Variants in ASB3 observed in about 807,000 individuals in gnomAD.
ASB3 encodes ankyrin repeat and SOCS box protein 3.
A neutral mutation model predicts 54.5 loss-of-function variants in ASB3; 41 were observed. The ratio of observed to expected loss-of-function variants is 0.75; its 90% confidence interval spans 0.59 to 0.98. The LOEUF is 0.98. ASB3 is among the 50% of genes least tolerant of loss of function. The pLI, the probability that ASB3 is intolerant of heterozygous loss-of-function variation, is 0.00. For synonymous variants in ASB3, 266 were observed against 221.2 expected, an observed-to-expected ratio of 1.20 and a Z score of -1.80; for missense variants, 733 against 620.0, an observed-to-expected ratio of 1.18 and a Z score of -1.94.
intron 5 of ASB3, among the ~76,000 whole-genome samples, chr2:53,724,279 A>T (rs2103882155): frequency 6.6e-6 from 1 of 152,322 alleles, no homozygotes; most frequent in South Asian, 2.1e-4. Flanking sequence ...TAAACAATTC[A>T]ACAAGCAAAA....
At chr2:53,721,043 AG>A (rs1320719888) in intron 5 of ASB3, among the ~76,000 whole-genome samples, 1 of 150,560 alleles carries the variant, frequency 6.6e-6, no homozygotes, top group African/African-American at 2.4e-5. Context: ...TGCTTGAACC[AG>A]GAGGGGGAGG....
At chr2:53,698,109 G>A (rs1669285344) in intron 8 of ASB3, among the ~76,000 whole-genome samples, 1 of 152,154 alleles carries the variant, frequency 6.6e-6, no homozygotes, top group African/African-American at 2.4e-5. Context: ...CCCCCAGACT[G>A]TTTTCAACAA....
chr2:53,707,591 G>C (rs1480360146), intron 7 of ASB3, among the ~76,000 whole-genome samples: 2 of 151,088 alleles, frequency 1.3e-5, no homozygotes, highest in Non-Finnish European at 2.9e-5. Context: ...AGCTTGCAGT[G>C]AGCTGAGATC....
At chr2:53,768,148 G>T in intron 1 of ASB3, 1 of 1,110,654 alleles carries the variant, frequency 9.0e-7, no homozygotes, top group Non-Finnish European at 1.2e-6. Flanking sequence ...ATGGCTTGGG[G>T]TAACATTTCT....
chr2:53,711,541 G>A (rs1220472650), intron 7 of ASB3, among the ~76,000 whole-genome samples: 13 of 152,098 alleles, frequency 8.5e-5, no homozygotes, highest in Admixed American at 2.6e-4. Flanking sequence ...TTGGGAGTCC[G>A]AGGCAGGCAG....
chr2:53,675,750 T>C (rs1490061790), intron 9 of ASB3, among the ~76,000 whole-genome samples: 2 of 152,340 alleles, frequency 1.3e-5, no homozygotes, highest in East Asian at 3.9e-4. Flanking sequence ...TTCCAAGTGT[T>C]TTAAGTATGT....
chr2:53,687,602 T>C (rs1442484503), intron 9 of ASB3, among the ~76,000 whole-genome samples: 1 of 152,184 alleles, frequency 6.6e-6, no homozygotes, highest in African/African-American at 2.4e-5. Flanking sequence ...GCCCCCATGA[T>C]AGACAAACTG....
At chr2:53,785,287 G>C (rs1573045381) in intron 1 of ASB3, among the ~76,000 whole-genome samples, 1 of 152,228 alleles carries the variant, frequency 6.6e-6, no homozygotes, top group East Asian at 1.9e-4. Context: ...CCTCTTACTT[G>C]AACATCAGCT....
Position 53,765,582 on chromosome 2 carries a change from C to G in ASB3, c.-10G>C. On this transcript the variant is annotated 5_prime_UTR_variant, in exon 2 of 10. Coordinates refer to ENST00000263634, the MANE Select transcript of ASB3 (RefSeq NM_016115.5). ...CCTCTGTAAAATCCATTTGTTTGAC[C>G]AGTCTACAAAACAAGGTAGAAGGAT... The G allele has an allele frequency of 6.2e-7, 1 of 1,614,138 alleles. No individual in the cohort carries two copies. Among genetic ancestry groups the G allele is most frequent in the Middle Eastern group, 1.6e-4 (1 of 6,062 alleles).
At chr2:53,778,086 T>C (rs996387549) in intron 1 of ASB3, among the ~76,000 whole-genome samples, 1 of 148,740 alleles carries the variant, frequency 6.7e-6, no homozygotes, top group Non-Finnish European at 1.5e-5. Context: ...GAGGCAGAGG[T>C]TGCAGTGAGC....
chr2:53,729,958 T>C (rs145138756), intron 3 of ASB3, among the ~76,000 whole-genome samples: 5 of 152,314 alleles, frequency 3.3e-5, no homozygotes, highest in East Asian at 3.9e-4. Context: ...TATTACTACA[T>C]TTGATCACAA....
chr2:53,746,809 G>C (rs1266099754), intron 3 of ASB3, among the ~76,000 whole-genome samples: 2 of 152,004 alleles, frequency 1.3e-5, no homozygotes, highest in Admixed American at 6.6e-5. Flanking sequence ...CAAACACTAA[G>C]GCTCTACTTT....
intron 5 of ASB3, among the ~76,000 whole-genome samples, chr2:53,725,887 G>C (rs1456750089): frequency 6.6e-6 from 1 of 151,930 alleles, no homozygotes; most frequent in Non-Finnish European, 1.5e-5. Flanking sequence ...TCAGAAAGAA[G>C]TAAACACTAT....
chr2:53,758,746 C>T (rs1672975940), intron 2 of ASB3, among the ~76,000 whole-genome samples: 1 of 152,154 alleles, frequency 6.6e-6, no homozygotes. Flanking sequence ...GCACTAGGAC[C>T]ACAGAGGACG....
intron 9 of ASB3, among the ~76,000 whole-genome samples, chr2:53,686,763 C>A (rs1572843217): frequency 6.6e-6 from 1 of 152,222 alleles, no homozygotes; most frequent in East Asian, 1.9e-4. Context: ...GTTGCCCGGG[C>A]TGGAGTGCAA....
intron 1 of ASB3, chr2:53,774,299 T>C (rs1279204435): frequency 2.5e-6 from 4 of 1,614,080 alleles, no homozygotes; most frequent in South Asian, 2.2e-5. Flanking sequence ...TTGCTATATA[T>C]TGGAACATGT....
chr2:53,702,724 T>C (rs559433064), intron 7 of ASB3, among the ~76,000 whole-genome samples: 2 of 152,302 alleles, frequency 1.3e-5, no homozygotes, highest in South Asian at 4.1e-4. Context: ...ACTCCGCTCC[T>C]TGAAGTTCAA....
At position 53,709,099 on chromosome 2, in the gene ASB3, T is replaced by C. The variant is rs60159917; in HGVS notation, c.980+5285A>G. On this transcript the variant is annotated intron_variant, in intron 7 of 9. Coordinates refer to ENST00000263634, the MANE Select transcript of ASB3 (RefSeq NM_016115.5). ...GGGGTGGTGGAAGGCCTCAAAGGCA[T>C]TTCAGAGACCTTCCCAGCAGCCTTA... Among the ~76,000 whole-genome samples, 819 of 152,322 alleles carry C rather than the reference T, an allele frequency of 5.4e-3. 13 individuals are homozygous for C. The highest frequency in any genetic ancestry group is 0.019 in the African/African-American group (773 of 41,568).
intron 3 of ASB3, among the ~76,000 whole-genome samples, chr2:53,741,298 T>C (rs1206968168): frequency 6.6e-6 from 1 of 152,208 alleles, no homozygotes; most frequent in African/African-American, 2.4e-5. Flanking sequence ...ACAATCCAGT[T>C]TGATAGCCAC....
Sources: gnomAD v4.1 joint callset for allele counts (sites outside exome capture counted in the v4.1 genomes callset) on GRCh38, gnomAD v4.1.1 for gene constraint, MANE v1.5 for transcripts, NCBI Gene and HGNC (gene_info 2026-07-23, HGNC 2026-07-21) for gene names.